MTA3: variants seen among roughly 807,000 people sequenced by gnomAD.
MTA3 encodes the protein metastasis associated 1 family member 3.
Under a neutral mutation model 83.5 loss-of-function variants are expected in MTA3, and 34 were observed. The observed-to-expected ratio is 0.41, with a 90% CI of 0.31 to 0.54. The LOEUF is 0.54. Among genes scored for constraint, MTA3 ranks in the 20% least tolerant of loss-of-function variants. The pLI is 0.33. For synonymous variants in MTA3, 303 were observed against 252.7 expected, an observed-to-expected ratio of 1.20 and a Z score of -1.89; for missense variants, 761 against 726.4, an observed-to-expected ratio of 1.05 and a Z score of -0.55.
intron 16 of MTA3, among the ~76,000 whole-genome samples, chr2:42,742,761 T>C (rs1474442505): frequency 1.3e-5 from 2 of 152,254 alleles, no homozygotes; most frequent in African/African-American, 4.8e-5. Flanking sequence ...GGAAAATTTC[T>C]AAGATATCAA....
intron 3 of MTA3, among the ~76,000 whole-genome samples, chr2:42,585,243 C>T (rs992770829): frequency 6.6e-6 from 1 of 151,892 alleles, no homozygotes; most frequent in Non-Finnish European, 1.5e-5. Context: ...CATGTGCTAC[C>T]ACACCTGGCT....
intron 3 of MTA3, among the ~76,000 whole-genome samples, chr2:42,597,380 T>G (rs1681933679): frequency 6.8e-6 from 1 of 146,250 alleles, no homozygotes; most frequent in Non-Finnish European, 1.5e-5. Flanking sequence ...GTTATCTTTT[T>G]TTTTTTTTTT....
intron 2 of MTA3, among the ~76,000 whole-genome samples, chr2:42,539,265 T>C (rs1676412812): frequency 6.6e-6 from 1 of 152,124 alleles, no homozygotes; most frequent in Admixed American, 6.6e-5. Flanking sequence ...GGAAAGAGGT[T>C]TAATTGACTT....
At chr2:42,647,377 C>T (rs1446843448) in intron 6 of MTA3, among the ~76,000 whole-genome samples, 1 of 151,738 alleles carries the variant, frequency 6.6e-6, no homozygotes, top group African/African-American at 2.4e-5. Flanking sequence ...GCATGTGCCA[C>T]CATGCCCAGC....
At chr2:42,672,123 C>T (rs985353119) in intron 8 of MTA3, among the ~76,000 whole-genome samples, 16 of 152,092 alleles carry the variant, frequency 1.1e-4, no homozygotes, top group African/African-American at 3.1e-4. Flanking sequence ...CTTTTAATTA[C>T]GCTCATAGTA....
At chr2:42,499,395 A>C (rs1572882744) in intron 2 of MTA3, among the ~76,000 whole-genome samples, 3 of 150,386 alleles carry the variant, frequency 2.0e-5, no homozygotes, top group Non-Finnish European at 4.4e-5. Context: ...TGAACTCCCA[A>C]CCTCAGGTGA....
intron 4 of MTA3, among the ~76,000 whole-genome samples, chr2:42,616,414 CTCT>C (rs770487095): frequency 1.8e-5 from 2 of 112,072 alleles, no homozygotes; most frequent in East Asian, 2.3e-4. Context: ...TCTTGAAGAT[CTCT>C]TGTCTTTTTT....
intron 9 of MTA3, among the ~76,000 whole-genome samples, chr2:42,687,696 G>T (rs1468977564): frequency 6.6e-6 from 1 of 152,106 alleles, no homozygotes; most frequent in East Asian, 1.9e-4. Flanking sequence ...TTCCCTTCCC[G>T]GTATGTTGCC....
chr2:42,538,505 C>T (rs996244380), intron 2 of MTA3, among the ~76,000 whole-genome samples: 1 of 151,832 alleles, frequency 6.6e-6, no homozygotes. Context: ...GTGAGGAGTT[C>T]GAGACCAGCC....
intron 2 of MTA3, among the ~76,000 whole-genome samples, chr2:42,498,957 A>G (rs1674271341): frequency 6.6e-6 from 1 of 152,158 alleles, no homozygotes; most frequent in African/African-American, 2.4e-5. Context: ...CTCTCAGATT[A>G]CAAAGGTAGA....
chr2:42,679,145 C>G (rs1435243803), intron 8 of MTA3, among the ~76,000 whole-genome samples: 1 of 152,064 alleles, frequency 6.6e-6, no homozygotes, highest in Non-Finnish European at 1.5e-5. Flanking sequence ...TCATACTTGC[C>G]CTACCTACTT....
chr2:42,551,080 TAAATA>T (rs1677086541), intron 2 of MTA3, among the ~76,000 whole-genome samples: 1 of 151,324 alleles, frequency 6.6e-6, no homozygotes, highest in African/African-American at 2.4e-5. Context: ...AATAAATAAA[TAAATA>T]AATTAAAATT....
At chr2:42,739,484 A>C (rs544324290) in intron 16 of MTA3, among the ~76,000 whole-genome samples, 4 of 150,648 alleles carry the variant, frequency 2.7e-5, no homozygotes, top group African/African-American at 9.8e-5. Flanking sequence ...TGAGCCTTCT[A>C]TGAGTCATAA....
intron 2 of MTA3, among the ~76,000 whole-genome samples, chr2:42,575,229 C>T (rs1211669137): frequency 6.6e-6 from 1 of 152,172 alleles, no homozygotes; most frequent in Admixed American, 6.6e-5. Flanking sequence ...CTACCCCTCA[C>T]CCCTTGCTCT....
At chr2:42,646,327 A>G (rs1688182200) in intron 6 of MTA3, among the ~76,000 whole-genome samples, 1 of 152,222 alleles carries the variant, frequency 6.6e-6, no homozygotes, top group African/African-American at 2.4e-5. Flanking sequence ...TGGATCAAGG[A>G]GAAATTTTGA....
intron 16 of MTA3, among the ~76,000 whole-genome samples, chr2:42,730,003 T>C (rs755554732): frequency 3.3e-5 from 5 of 152,176 alleles, no homozygotes; most frequent in Non-Finnish European, 5.9e-5. Flanking sequence ...TGTAGAGATC[T>C]TTCACTTCTT....
chr2:42,616,572 CTTTTTTT>C (rs70963338), intron 4 of MTA3, among the ~76,000 whole-genome samples: 7 of 56,212 alleles, frequency 1.2e-4, no homozygotes, highest in Non-Finnish European at 2.1e-4. Flanking sequence ...TCTTCTTCTT[CTTTTTTT>C]TTTTTTTTTT....
At chr2:42,711,771 GGAGA>G (rs111819056) in intron 14 of MTA3, among the ~76,000 whole-genome samples, 38 of 44,684 alleles carry the variant, frequency 8.5e-4, no homozygotes, top group East Asian at 2.1e-3. Context: ...GGAGTGTATA[GGAGA>G]GAGAGAGAGT....
chr2:42,605,686 C>T (rs1447778742), intron 3 of MTA3, among the ~76,000 whole-genome samples: 17 of 127,834 alleles, frequency 1.3e-4, no homozygotes, highest in Non-Finnish European at 1.9e-4. Flanking sequence ...ACCTCCCTCC[C>T]GGATGGGGCG....
Sources: gnomAD v4.1 joint callset for allele counts (sites outside exome capture counted in the v4.1 genomes callset) on GRCh38, gnomAD v4.1.1 for gene constraint, MANE v1.5 for transcripts, NCBI Gene and HGNC (gene_info 2026-07-23, HGNC 2026-07-21) for gene names.